Variants in CNTNAP2 observed in about 807,000 individuals in gnomAD.
CNTNAP2 encodes contactin-associated protein-like 2.
A neutral mutation model predicts 155.2 loss-of-function variants in CNTNAP2; 98 were observed. The observed-to-expected ratio is 0.63, with a 90% CI of 0.54 to 0.75. The LOEUF (loss-of-function observed/expected upper bound fraction) is 0.75. CNTNAP2 is among the 30% of genes least tolerant of loss of function. The probability of loss-of-function intolerance (pLI) is 0.00; values close to 1 mark genes in which losing one functional copy is unlikely to be tolerated. For synonymous variants in CNTNAP2, 651 were observed against 631.2 expected (o/e 1.03, Z -0.47); for missense variants, 1,727 against 1,688.1 (o/e 1.02, Z -0.40).
At chr7:147,186,840 A>G (rs940371697) in intron 8 of CNTNAP2, among the ~76,000 whole-genome samples, 1 of 152,174 alleles carries the variant, frequency 6.6e-6, no homozygotes, top group African/African-American at 2.4e-5. Flanking sequence ...ATAGAAATGC[A>G]GGTTTGGTCC....
chr7:147,636,140 C>A (rs1795176959), intron 12 of CNTNAP2, among the ~76,000 whole-genome samples: 1 of 139,822 alleles, frequency 7.2e-6, no homozygotes, highest in South Asian at 2.1e-4. Flanking sequence ...TAAAGGAAGG[C>A]AGTTACAAAG....
At chr7:148,000,965 G>C (rs909718153) in intron 15 of CNTNAP2, among the ~76,000 whole-genome samples, 1 of 152,158 alleles carries the variant, frequency 6.6e-6, no homozygotes, top group African/African-American at 2.4e-5. Context: ...CTTGGCTTAT[G>C]GCAGCAAAAC....
chr7:147,324,991 T>C (rs1795425309), intron 9 of CNTNAP2, among the ~76,000 whole-genome samples: 1 of 152,162 alleles, frequency 6.6e-6, no homozygotes, highest in Admixed American at 6.6e-5. Flanking sequence ...ACATCCATGT[T>C]TCAAAATAAT....
intron 3 of CNTNAP2, among the ~76,000 whole-genome samples, chr7:147,026,647 G>GCTAT (rs1012703939): frequency 4.0e-5 from 6 of 150,066 alleles, no homozygotes; most frequent in Admixed American, 1.3e-4. Context: ...TCCCCAGGAT[G>GCTAT]CTATCATGCC....
At chr7:147,554,008 G>T (rs1799903455) in intron 11 of CNTNAP2, among the ~76,000 whole-genome samples, 1 of 152,128 alleles carries the variant, frequency 6.6e-6, no homozygotes, top group Non-Finnish European at 1.5e-5. Context: ...TTAGAGATGG[G>T]AATGGAGACT....
chr7:148,088,820 A>AT (rs2116560107), intron 15 of CNTNAP2, among the ~76,000 whole-genome samples: 1 of 152,138 alleles, frequency 6.6e-6, no homozygotes, highest in Non-Finnish European at 1.5e-5. Context: ...CCAGGCCAGC[A>AT]TTACCCTGAT....
intron 12 of CNTNAP2, among the ~76,000 whole-genome samples, chr7:147,572,549 AG>A (rs1240736697): frequency 6.6e-6 from 1 of 151,092 alleles, no homozygotes; most frequent in Admixed American, 6.6e-5. Flanking sequence ...TGCTTTTAAA[AG>A]CACTGCCTTT....
chr7:147,913,618 T>G (rs1247207605), intron 14 of CNTNAP2, among the ~76,000 whole-genome samples: 1 of 152,222 alleles, frequency 6.6e-6, no homozygotes, highest in Non-Finnish European at 1.5e-5. Context: ...AACATCAGTC[T>G]GGAAAACAGA....
At chr7:147,725,536 A>T (rs575212063) in intron 13 of CNTNAP2, among the ~76,000 whole-genome samples, 16 of 152,208 alleles carry the variant, frequency 1.1e-4, no homozygotes, top group Admixed American at 9.8e-4. Context: ...CGCAAGAAAG[A>T]TGAGTGTCCC....
rs1352065241 is a variant in CNTNAP2, at chr7:146,604,848, C to G, written c.98-169423C>G. ...GACAAAAAACCAAACACCTCATATT[C>G]TCACTCATAGGTGGGAATTGAACAA... On this transcript the variant is annotated intron_variant, in intron 1 of 23. Transcript: ENST00000361727. 2.1e-5 allele frequency among the ~76,000 whole-genome samples: 3 copies of G among 143,862 alleles called. 1 individual carries two copies. The highest frequency in any genetic ancestry group is 5.0e-5 in the African/African-American group (2 of 39,654). The allele number at this position is 143,862 out of a possible 152,430, so 94.4% of individuals were successfully genotyped here.
At chr7:147,145,596 C>T (rs2129288264) in intron 8 of CNTNAP2, among the ~76,000 whole-genome samples, 1 of 152,256 alleles carries the variant, frequency 6.6e-6, no homozygotes, top group East Asian at 1.9e-4. Context: ...TCCATTTTCT[C>T]CCATACTGAA....
intron 2 of CNTNAP2, among the ~76,000 whole-genome samples, chr7:146,783,145 T>C (rs754668260): frequency 5.3e-5 from 8 of 152,166 alleles, no homozygotes; most frequent in Non-Finnish European, 7.4e-5. Flanking sequence ...TTAAGTGTTG[T>C]TTTGTTCTTA....
chr7:147,181,983 G>C (rs1475808948), intron 8 of CNTNAP2, among the ~76,000 whole-genome samples: 1 of 151,658 alleles, frequency 6.6e-6, no homozygotes, highest in East Asian at 1.9e-4. Flanking sequence ...AAATTAGCTG[G>C]GCATGGTGGC....
At chr7:147,398,561 G>A (rs1584924898) in intron 10 of CNTNAP2, among the ~76,000 whole-genome samples, 2 of 127,910 alleles carry the variant, frequency 1.6e-5, no homozygotes, top group Admixed American at 1.6e-4. Context: ...TTTTCTGTGT[G>A]TTGTATTGGA....
chr7:147,265,392 C>T (rs776561408), intron 8 of CNTNAP2, among the ~76,000 whole-genome samples: 20 of 152,060 alleles, frequency 1.3e-4, no homozygotes, highest in Admixed American at 5.2e-4. Flanking sequence ...TGTGGAAGAT[C>T]GTGGCCCAAC....
chr7:148,095,847 C>T (rs1252402749), intron 15 of CNTNAP2, among the ~76,000 whole-genome samples: 1 of 152,206 alleles, frequency 6.6e-6, no homozygotes, highest in Non-Finnish European at 1.5e-5. Flanking sequence ...AAATGTTCTC[C>T]CCTCCTGCCC....
At chr7:147,452,224 G>A (rs890072105) in intron 10 of CNTNAP2, among the ~76,000 whole-genome samples, 4 of 152,152 alleles carry the variant, frequency 2.6e-5, no homozygotes, top group African/African-American at 9.7e-5. Context: ...ACACATATCA[G>A]ACAGATAGAC....
In CNTNAP2 at chr7:146,464,990, C is replaced by G. The variant is rs148209639; in HGVS notation, c.98-309281C>G. 3.9e-3 allele frequency among the ~76,000 whole-genome samples: 599 copies of G among 152,114 alleles called. 4 individuals carry two copies. The highest frequency in any genetic ancestry group is 0.014 in the African/African-American group (568 of 41,490). On this transcript the variant is annotated intron_variant, in intron 1 of 23. Transcript: ENST00000361727. ...GTCTATGATCATTCCATTTCTGAACCTAGTCTGGTGTCTGCTTTAATTGGC... is the reference window on the plus strand; with the variant it reads ...GTCTATGATCATTCCATTTCTGAACGTAGTCTGGTGTCTGCTTTAATTGGC...
At chr7:148,154,460 T>C (rs1352896820) in intron 17 of CNTNAP2, among the ~76,000 whole-genome samples, 1 of 152,204 alleles carries the variant, frequency 6.6e-6, no homozygotes, top group Admixed American at 6.5e-5. Flanking sequence ...TCATACTCTC[T>C]GTATTCCAAA....
Sources: allele counts gnomAD v4.1 joint callset (sites outside exome capture counted in the v4.1 genomes callset), GRCh38; gene constraint gnomAD v4.1.1; transcripts MANE v1.5; gene names NCBI Gene and HGNC (gene_info 2026-07-23, HGNC 2026-07-21).